Variants in TMEM275 observed in about 807,000 individuals in gnomAD.
The protein encoded by TMEM275 is transmembrane protein 275.
intron 1 of TMEM275, among the ~76,000 whole-genome samples, 35 bp from the exon 3 acceptor site, chr1:46,534,076 C>T (rs1666707824): frequency 6.6e-6 from 1 of 152,160 alleles, no homozygotes; most frequent in Non-Finnish European, 1.5e-5. Flanking sequence ...GGGATTTAGG[C>T]AACTCACTCT....
intron 1 of TMEM275, among the ~76,000 whole-genome samples, 156 bp from the exon 2 acceptor site, chr1:46,534,739 G>A (rs1399784535): frequency 2.6e-5 from 4 of 152,150 alleles, no homozygotes; most frequent in African/African-American, 9.7e-5. Flanking sequence ...AGAATTGTGG[G>A]GAAAAAATGC....
chr1:46,533,685 G>A lies in TMEM275; in HGVS notation c.-123-35C>T. Reference sequence around the variant, plus strand: ...CACAGCAAGAGGGCGGCGTCAGCAGGGTATCTTGACCTCCAGTCCTAGGCT... The same window carrying A: ...CACAGCAAGAGGGCGGCGTCAGCAGAGTATCTTGACCTCCAGTCCTAGGCT... On this transcript the variant is annotated intron_variant, in intron 1 of 1. Coordinates refer to ENST00000634804, the Ensembl canonical transcript of TMEM275. This position sits in a 1 kb window ranked among gnomAD's most constrained non-coding sequence, Gnocchi z 4.4. 2.7e-6 allele frequency: 1 copy of A among 368,566 alleles called. No homozygotes were observed. The allele number at this position is 368,566 out of a possible 1,614,324, so 22.8% of individuals were successfully genotyped here.
chr1:46,532,354 G>A (rs190811818), exon 2 of TMEM275: 1 of 152,452 alleles, frequency 6.6e-6, no homozygotes, highest in Admixed American at 6.5e-5. Context: ...TAGTCAGACA[G>A]AAAGGGTGGG....
Position 46,533,529 on chromosome 1 carries a change from G to T in TMEM275, c.-2C>A, listed in dbSNP as rs1480108038. 1 of 388,442 alleles carries T rather than the reference G, an allele frequency of 2.6e-6. No homozygotes were observed. Among genetic ancestry groups the T allele is most frequent in the East Asian group, 3.7e-5 (1 of 27,262 alleles). The allele number at this position is 388,442 out of a possible 1,614,324, so 24.1% of individuals were successfully genotyped here. ...CTCGCTCTTTTCTGCCGGCGGCATC[G>T]GCCTGCGCACGCCAGGCACGCATCA... On this transcript the variant is annotated 5_prime_UTR_variant, in exon 2 of 2. Transcript: ENST00000634804. This position sits in a 1 kb window ranked among gnomAD's most constrained non-coding sequence, Gnocchi z 4.4.
rs1666712728 is a variant in TMEM275, at chr1:46,534,435, C to T, written c.-123-785G>A. On this transcript the variant is annotated intron_variant, in intron 1 of 1. Transcript: ENST00000634804. ...CAGGGCCCTTTCTAGACTGGGCATT[C>T]TATTAAATTCCAATCCTACCTCCAT... 6.6e-6 allele frequency among the ~76,000 whole-genome samples: 1 copy of T among 152,144 alleles called. No homozygotes were observed.
chr1:46,533,081 G>A lies in TMEM275; in HGVS notation c.447C>T (p.Ala149=), dbSNP rs561883236. 8 of 393,334 alleles carry A rather than the reference G, an allele frequency of 2.0e-5. No homozygotes were observed. In the South Asian group the frequency reaches 3.9e-4, roughly 19 times the overall value. The allele number at this position is 393,334 out of a possible 1,614,324, so 24.4% of individuals were successfully genotyped here. A position where few individuals can be genotyped will look rare whatever the true frequency, so the allele number is the denominator to read the frequency against. ...CGGCCGCGGGCGCCGGGGCCTCCAG[G>A]GCGAGGGGGCTGGGGCCGGGGCTGG... is the stretch of plus-strand genomic sequence containing the variant. The change falls in exon 2 of 2, where the codon GCC becomes GCT. Residue 149 remains alanine, a synonymous_variant. Transcript: ENST00000634804. The surrounding 1 kb of genome is among the most constrained non-coding windows in gnomAD (Gnocchi z 4.4).
At position 46,535,217 on chromosome 1, in the gene TMEM275, G is replaced by T. The variant is rs112892243; in HGVS notation, c.-123-1567C>A. On this transcript the variant is annotated intron_variant, in intron 1 of 1. It introduces an in-frame stop codon into an upstream open reading frame of the 5' UTR. Transcript: ENST00000634804. ...CCTTCACTTGCAACACACAGGATGC[G>T]CAGGTCAGAGGACTTGAAAGGCCAC... is the stretch of plus-strand genomic sequence containing the variant. Among the ~76,000 whole-genome samples, 1 of 152,166 alleles carries T rather than the reference G, an allele frequency of 6.6e-6. No individual in the cohort carries two copies. Among genetic ancestry groups the T allele is most frequent in the Non-Finnish European group, 1.5e-5 (1 of 68,032 alleles).
In TMEM275 at chr1:46,533,578, G is replaced by C. The variant is rs577154798; in HGVS notation, c.-51C>G. ...CAAGCTCCCTCCTGCCGCCGGCCCG[G>C]AACAGCCCAACTGCCAGGAGCCTCC... On this transcript the variant is annotated 5_prime_UTR_variant, in exon 2 of 2. Coordinates refer to ENST00000634804, the Ensembl canonical transcript of TMEM275. The surrounding 1 kb of genome is among the most constrained non-coding windows in gnomAD (Gnocchi z 4.4). 8.0e-5 allele frequency: 31 copies of C among 385,154 alleles called. 1 individual carries two copies. The South Asian group carries it at 4.0e-3, about 50-fold the overall frequency. The allele number at this position is 385,154 out of a possible 1,614,324, so 23.9% of individuals were successfully genotyped here. A position where few individuals can be genotyped will look rare whatever the true frequency, so the allele number is the denominator to read the frequency against.
Position 46,533,331 on chromosome 1 carries a change from C to T in TMEM275, c.197G>A (p.Gly66Glu). The T allele has an allele frequency of 2.7e-6, 1 of 373,422 alleles. No homozygotes were observed. Among genetic ancestry groups the T allele is most frequent in the Non-Finnish European group, 4.8e-6 (1 of 209,822 alleles). 23.1% of individuals were successfully genotyped at this position (373,422 alleles called of 1,614,324 possible). A position where few individuals can be genotyped will look rare whatever the true frequency, so the allele number is the denominator to read the frequency against. The change falls in exon 2 of 2, where the codon GGG (glycine) becomes GAG (glutamate). Residue 66 changes from glycine (G) to glutamate (E), a missense_variant. Transcript: ENST00000634804. The surrounding 1 kb of genome is among the most constrained non-coding windows in gnomAD (Gnocchi z 4.4). ...GAGCGCCAGCACCAGCAGCGCCAGC[C>T]CCACGACGAGCAGCGCGTTGTGCTC... is the stretch of plus-strand genomic sequence containing the variant.
chr1:46,535,154 G>T (rs1458576209), intron 1 of TMEM275, among the ~76,000 whole-genome samples: 3 of 152,098 alleles, frequency 2.0e-5, no homozygotes, highest in Non-Finnish European at 4.4e-5. Context: ...GATGGAGAAA[G>T]CTTGATGACT....
In TMEM275 at chr1:46,533,357, G is replaced by C. The variant is rs1209630078; in HGVS notation, c.171C>G (p.Pro57=). ...CCACGACGAGCAGCGCGTTGTGCTC[G>C]GGCAAGAAGGAGGCGAAGGCGCCTG... is the stretch of plus-strand genomic sequence containing the variant. Residue 57 remains proline (P), a synonymous_variant, in exon 2 of 2, where the codon CCC becomes CCG. Transcript: ENST00000634804. This position sits in a 1 kb window ranked among gnomAD's most constrained non-coding sequence, Gnocchi z 4.4. The C allele has an allele frequency of 5.3e-6, 2 of 377,190 alleles. No homozygotes were observed. Among genetic ancestry groups the C allele is most frequent in the Non-Finnish European group, 9.4e-6 (2 of 212,154 alleles). The allele number at this position is 377,190 out of a possible 1,614,324, so 23.4% of individuals were successfully genotyped here.
At chr1:46,535,439 G>A (rs1376272008) in intron 1 of TMEM275, among the ~76,000 whole-genome samples, 1 of 152,218 alleles carries the variant, frequency 6.6e-6, no homozygotes, top group Non-Finnish European at 1.5e-5. Flanking sequence ...AGATTCCTGA[G>A]GAAGCTCCTC....
chr1:46,533,881 C>G lies in TMEM275; in HGVS notation c.-123-231G>C, dbSNP rs907483772. Among the ~76,000 whole-genome samples the G allele has an allele frequency of 6.6e-6, 1 of 152,178 alleles. No individual in the cohort carries two copies. On this transcript the variant is annotated intron_variant, in intron 1 of 1. Coordinates refer to ENST00000634804, the Ensembl canonical transcript of TMEM275. This position sits in a 1 kb window ranked among gnomAD's most constrained non-coding sequence, Gnocchi z 4.4. ...TCTTGCCATCCTCCCTCTCTCCTCA[C>G]TTTTTTGTCCTCCAAACAGACGCTG...
At chr1:46,532,969 GGA>G in exon 2 of TMEM275, 1 of 396,066 alleles carries the variant, frequency 2.5e-6, no homozygotes, top group South Asian at 1.3e-4. Flanking sequence ...CCCGGACAGC[GGA>G]GTCACGGCGG....
At chr1:46,534,736 T>A (rs6696219) in intron 1 of TMEM275, among the ~76,000 whole-genome samples, 153 bp from the exon 2 acceptor site, 1 of 151,884 alleles carries the variant, frequency 6.6e-6, no homozygotes, top group Non-Finnish European at 1.5e-5. Flanking sequence ...GTTAGAATTG[T>A]GGGGAAAAAA....
Position 46,533,090 on chromosome 1 carries a change from G to A in TMEM275, c.438C>T (p.Ser146=). 1 of 392,908 alleles carries A rather than the reference G, an allele frequency of 2.5e-6. No individual in the cohort carries two copies. The highest frequency in any genetic ancestry group is 4.5e-6 in the Non-Finnish European group (1 of 222,708). The allele number at this position is 392,908 out of a possible 1,614,324, so 24.3% of individuals were successfully genotyped here. Residue 146 remains serine (S), a synonymous_variant, in exon 2 of 2, where the codon AGC becomes AGT. Coordinates refer to ENST00000634804, the Ensembl canonical transcript of TMEM275. The surrounding 1 kb of genome is among the most constrained non-coding windows in gnomAD (Gnocchi z 4.4). Reference sequence around the variant, plus strand: ...GCGCCGGGGCCTCCAGGGCGAGGGGGCTGGGGCCGGGGCTGGAGCAGCCGG... The same window carrying A: ...GCGCCGGGGCCTCCAGGGCGAGGGGACTGGGGCCGGGGCTGGAGCAGCCGG...
rs531167726 is a variant in TMEM275 at position 46,533,448 on chromosome 1, G to C, written c.80C>G (p.Pro27Arg). The change falls in exon 2 of 2, where the codon CCG becomes CGG. Residue 27 changes from proline to arginine, a missense_variant. Transcript: ENST00000634804. The surrounding 1 kb of genome is among the most constrained non-coding windows in gnomAD (Gnocchi z 4.4). ...GCAGGCGCAGCACAGCGCCGGCGAC[G>C]GCAGGCCGGGCACCCGGCCCCGGGC... The C allele has an allele frequency of 1.4e-3, 544 of 383,882 alleles. 5 individuals carry two copies. The highest frequency in any genetic ancestry group is 0.011 in the African/African-American group (509 of 47,962). The allele number at this position is 383,882 out of a possible 1,614,324, so 23.8% of individuals were successfully genotyped here.
At chr1:46,534,799 G>A (rs982855129) in intron 1 of TMEM275, among the ~76,000 whole-genome samples, 4 of 152,148 alleles carry the variant, frequency 2.6e-5, no homozygotes, top group African/African-American at 9.7e-5. Flanking sequence ...AGATGGTACC[G>A]CGGGTCTGAG....
In TMEM275 at chr1:46,533,717, G is replaced by A. The variant is rs879288596; in HGVS notation, c.-123-67C>T. The A allele has an allele frequency of 1.6e-4, 57 of 365,024 alleles. No individual in the cohort carries two copies. The highest frequency in any genetic ancestry group is 2.4e-4 in the Non-Finnish European group (50 of 204,788). 22.6% of individuals were successfully genotyped at this position (365,024 alleles called of 1,614,324 possible). A position where few individuals can be genotyped will look rare whatever the true frequency, so the allele number is the denominator to read the frequency against. ...TGACCTCCAGTCCTAGGCTCCGTCT[G>A]TAGCTACACTGAGTGCCTGGGTGGG... is the stretch of plus-strand genomic sequence containing the variant. On this transcript the variant is annotated intron_variant, in intron 1 of 1. Transcript: ENST00000634804. This position sits in a 1 kb window ranked among gnomAD's most constrained non-coding sequence, Gnocchi z 4.4.
Sources: gnomAD v4.1 joint callset for allele counts (sites outside exome capture counted in the v4.1 genomes callset) on GRCh38, gnomAD v4.1.1 for gene constraint, Gnocchi (gnomAD v3.1) non-coding constraint, MANE v1.5 for transcripts, NCBI Gene and HGNC (gene_info 2026-07-23, HGNC 2026-07-21) for gene names.